TBC1D8: variants seen among roughly 807,000 people sequenced by gnomAD.
TBC1D8 encodes TBC1 domain family member 8.
Under a neutral mutation model 118.8 loss-of-function variants are expected in TBC1D8, and 65 were observed. The observed-to-expected ratio is 0.55, with a 90% CI of 0.45 to 0.67. TBC1D8 has a LOEUF of 0.67. Ranked by LOEUF, TBC1D8 falls within the 30% of genes least tolerant of loss-of-function variation. The pLI is 0.00. For missense variants in TBC1D8, 1,376 were observed against 1,471.2 expected (o/e 0.94, Z 1.06); for synonymous variants, 566 against 595.8 (o/e 0.95, Z 0.73).
At chr2:101,149,960 T>C (rs1263638318) in intron 1 of TBC1D8, among the ~76,000 whole-genome samples, 2 of 152,216 alleles carry the variant, frequency 1.3e-5, no homozygotes, top group Admixed American at 6.5e-5. Flanking sequence ...GCCCCTTCCA[T>C]GGGGAACCCT....
Position 101,070,819 on chromosome 2 carries a change from C to T in TBC1D8, c.284-11280G>A, listed in dbSNP as rs552178658. ...ATTACATTTCTGCCTTTATCATCCA[C>T]GTATCAAACAATTACAAACCTAAAA... On this transcript the variant is annotated intron_variant, in intron 2 of 19. Coordinates refer to ENST00000409318, the MANE Select transcript of TBC1D8 (RefSeq NM_001330348.2). Among the ~76,000 whole-genome samples the T allele has an allele frequency of 2.6e-5, 4 of 152,260 alleles. No homozygotes were observed. The South Asian group carries it at 6.2e-4, about 24-fold the overall frequency.
At chr2:101,143,808 C>T (rs1679213303) in intron 1 of TBC1D8, among the ~76,000 whole-genome samples, 1 of 152,172 alleles carries the variant, frequency 6.6e-6, no homozygotes, top group South Asian at 2.1e-4. Context: ...GCAATCCACC[C>T]ACCTTGGCTC....
chr2:101,007,343 T>TG lies in TBC1D8; in HGVS notation c.*477dup, dbSNP rs1678799603. 6.5e-6 allele frequency: 1 copy of TG among 154,670 alleles called. No individual in the cohort carries two copies. The highest frequency in any genetic ancestry group is 2.4e-5 in the African/African-American group (1 of 41,494). 9.6% of individuals were successfully genotyped at this position (154,670 alleles called of 1,614,324 possible). On this transcript the variant is annotated 3_prime_UTR_variant, in exon 20 of 20. Coordinates refer to ENST00000409318, the MANE Select transcript of TBC1D8 (RefSeq NM_001330348.2). ...GTGAATACAACCAAATATATTAAAA[T>TG]GGTTTCAATTACCAGCATTGAAACA... is the stretch of plus-strand genomic sequence containing the variant.
At chr2:101,042,359 G>A (rs1681437423) in intron 5 of TBC1D8, among the ~76,000 whole-genome samples, 1 of 152,110 alleles carries the variant, frequency 6.6e-6, no homozygotes, top group Admixed American at 6.6e-5. Context: ...TTCTTCTCTT[G>A]CACTTTATAA....
At chr2:101,078,459 A>G (rs1674991917) in intron 2 of TBC1D8, among the ~76,000 whole-genome samples, 1 of 152,204 alleles carries the variant, frequency 6.6e-6, no homozygotes, top group Non-Finnish European at 1.5e-5. Context: ...AGTTAACTTT[A>G]TCGGTTTAGT....
rs1680679107 is a variant in TBC1D8, at chr2:101,031,691, A to T, written c.1936+577T>A. On this transcript the variant is annotated intron_variant, in intron 11 of 19. Coordinates refer to ENST00000409318, the MANE Select transcript of TBC1D8 (RefSeq NM_001330348.2). ...AGCGTTGCAAGGCCACAAGTTACCCAGAGTCCAGATAGCAGCCAACGAGCT... is the reference window on the plus strand; with the variant it reads ...AGCGTTGCAAGGCCACAAGTTACCCTGAGTCCAGATAGCAGCCAACGAGCT... Among the ~76,000 whole-genome samples the T allele has an allele frequency of 2.0e-5, 3 of 152,036 alleles. No homozygotes were observed. In the South Asian group the frequency reaches 6.2e-4, roughly 32 times the overall value.
At chr2:101,029,219 T>G (rs1025760453) in intron 12 of TBC1D8, among the ~76,000 whole-genome samples, 1 of 152,098 alleles carries the variant, frequency 6.6e-6, no homozygotes, top group Non-Finnish European at 1.5e-5. Context: ...TGAAACCCTG[T>G]CTCTACTAAA....
intron 2 of TBC1D8, among the ~76,000 whole-genome samples, chr2:101,086,129 G>A (rs1675606107): frequency 7.2e-6 from 1 of 139,642 alleles, no homozygotes; most frequent in South Asian, 2.3e-4. Flanking sequence ...GCAACAGAGC[G>A]AGACTCTGTC....
rs1683036210 is a variant in TBC1D8, at chr2:101,066,771, C to T, written c.284-7232G>A. 5.9e-5 allele frequency among the ~76,000 whole-genome samples: 9 copies of T among 151,824 alleles called. No individual in the cohort carries two copies. In the South Asian group the frequency reaches 1.7e-3, roughly 28 times the overall value. ...ACCAGCCTGGCCAACGTGGCGAAAC[C>T]CCGTCTCTATTAAAAATACGAAAGT... On this transcript the variant is annotated intron_variant, in intron 2 of 19. Coordinates refer to ENST00000409318, the MANE Select transcript of TBC1D8 (RefSeq NM_001330348.2).
chr2:101,121,638 T>C (rs991723470), intron 1 of TBC1D8, among the ~76,000 whole-genome samples: 4 of 152,270 alleles, frequency 2.6e-5, no homozygotes, highest in East Asian at 1.9e-4. Context: ...AGGCCCCAGC[T>C]GCTAATACCA....
In TBC1D8 at chr2:101,038,714, C is replaced by A. The variant is rs1348181656; in HGVS notation, c.1081-59G>T. 4 of 1,577,420 alleles carry A rather than the reference C, an allele frequency of 2.5e-6. No individual in the cohort carries two copies. The Admixed American group carries it at 6.7e-5, about 26-fold the overall frequency. The stretch of plus-strand genomic sequence containing the variant: ...CGGGAGGAAGGTAGGCATGTTATTA[C>A]ATATGCAGAAGATGTCCCGAAACAG... On this transcript the variant is annotated intron_variant, in intron 6 of 19. Transcript: ENST00000409318.
At chr2:101,010,494 T>C (rs999854697) in intron 19 of TBC1D8, among the ~76,000 whole-genome samples, 11 of 152,204 alleles carry the variant, frequency 7.2e-5, no homozygotes, top group Middle Eastern at 3.2e-3. Flanking sequence ...TTGATCACAA[T>C]TTAGTATTTC....
At chr2:101,062,398 A>G (rs1056365314) in intron 2 of TBC1D8, among the ~76,000 whole-genome samples, 2 of 152,186 alleles carry the variant, frequency 1.3e-5, no homozygotes, top group African/African-American at 4.8e-5. Context: ...TCATTGATCC[A>G]GAAGAAGAGA....
At chr2:101,027,479 G>C in intron 14 of TBC1D8, 28 bp from the exon 15 acceptor site, 2 of 1,607,724 alleles carry the variant, frequency 1.2e-6, no homozygotes, top group Non-Finnish European at 1.7e-6. Flanking sequence ...CAGCAATGGC[G>C]TGAAATCTAG....
rs1680994014 is a variant in TBC1D8 at position 101,036,149 on chromosome 2, A to C, written c.1472T>G (p.Ile491Arg). 1 of 1,613,844 alleles carries C rather than the reference A, an allele frequency of 6.2e-7. No individual in the cohort carries two copies. The highest frequency in any genetic ancestry group is 8.5e-7 in the Non-Finnish European group (1 of 1,179,796). ...DSRMSREQIK[I>R]SLWNDHFVEY... is the part of the protein sequence containing the mutation. ...CACAAAGTGGTCATTCCACAGGCTT[A>C]TTTTTATCTGTTCTCTGGACTGGAA... Residue 491 changes from isoleucine to arginine, a missense_variant, in exon 9 of 20, where the codon ATA (isoleucine) becomes AGA (arginine). By Grantham distance (97) the Ile-to-Arg change is moderately conservative (BLOSUM62 -3). Coordinates refer to ENST00000409318, the MANE Select transcript of TBC1D8 (RefSeq NM_001330348.2).
At chr2:101,095,340 T>C (rs915796587) in intron 1 of TBC1D8, among the ~76,000 whole-genome samples, 1 of 150,812 alleles carries the variant, frequency 6.6e-6, no homozygotes, top group Admixed American at 6.6e-5. Flanking sequence ...CATGTTGGTG[T>C]GCTGCACCCA....
rs55649821 is a variant in TBC1D8 at position 101,105,592 on chromosome 2, T to TAAAA, written c.128-15232_128-15229dup. Among the ~76,000 whole-genome samples the TAAAA allele has an allele frequency of 2.2e-3, 280 of 124,672 alleles. 1 individual carries two copies. Among genetic ancestry groups the TAAAA allele is most frequent in the East Asian group, 0.016 (71 of 4,402 alleles). The allele number at this position is 124,672 out of a possible 152,430, so 81.8% of individuals were successfully genotyped here. On this transcript the variant is annotated intron_variant, in intron 1 of 19. Transcript: ENST00000409318. ...TGACAGACCAGACTCTGTCTCAAATTAAAAAAAAAAAAAAAACATATATAT... is the reference window on the plus strand; with the variant it reads ...TGACAGACCAGACTCTGTCTCAAATTAAAAAAAAAAAAAAAAAAAACATATATAT...
intron 1 of TBC1D8, among the ~76,000 whole-genome samples, chr2:101,145,763 TC>T (rs1679293643): frequency 6.6e-6 from 1 of 152,216 alleles, no homozygotes; most frequent in Non-Finnish European, 1.5e-5. Context: ...CTCCCTTTAC[TC>T]ACTACGATTT....
intron 1 of TBC1D8, among the ~76,000 whole-genome samples, chr2:101,113,075 A>G (rs568362234): frequency 6.6e-6 from 1 of 152,304 alleles, no homozygotes; most frequent in African/African-American, 2.4e-5. Context: ...CAAGTCCAAC[A>G]GGTATTACCT....
Sources: gnomAD v4.1 joint callset for allele counts (sites outside exome capture counted in the v4.1 genomes callset) on GRCh38, gnomAD v4.1.1 for gene constraint, MANE v1.5 for transcripts, NCBI Gene and HGNC (gene_info 2026-07-23, HGNC 2026-07-21) for gene names.